Variants in DMXL2 observed in about 807,000 individuals in gnomAD.
DMXL2 encodes dmX-like protein 2.
Under a neutral mutation model 331.1 loss-of-function variants are expected in DMXL2, and 103 were observed. The ratio of observed to expected loss-of-function variants is 0.31; its 90% confidence interval spans 0.27 to 0.37. The LOEUF (loss-of-function observed/expected upper bound fraction) is 0.37, where lower values mean the gene tolerates loss of function less well. DMXL2 is among the 10% of genes least tolerant of loss of function. DMXL2 has a pLI of 1.00. For missense variants in DMXL2, 3,171 were observed against 3,642.9 expected (o/e 0.87, Z 3.33); for synonymous variants, 1,281 against 1,252.1 (o/e 1.02, Z -0.49).
chr15:51,554,791 T>C (rs975691901), intron 6 of DMXL2, among the ~76,000 whole-genome samples: 3 of 152,140 alleles, frequency 2.0e-5, no homozygotes, highest in South Asian at 2.1e-4. Flanking sequence ...CTTGGTCTTT[T>C]GGTAAATGAA....
intron 2 of DMXL2, among the ~76,000 whole-genome samples, chr15:51,574,534 C>T (rs904245563): frequency 1.3e-5 from 2 of 152,062 alleles, no homozygotes. Context: ...AATCATAATC[C>T]ACAACAGAAA....
chr15:51,523,287 G>A (rs2047479464), intron 13 of DMXL2, among the ~76,000 whole-genome samples: 1 of 152,192 alleles, frequency 6.6e-6, no homozygotes, highest in South Asian at 2.1e-4. Context: ...CTGAAAATAA[G>A]AGCAAGACTC....
intron 18 of DMXL2, among the ~76,000 whole-genome samples, chr15:51,496,920 A>G (rs983342941): frequency 4.6e-5 from 7 of 152,232 alleles, no homozygotes; most frequent in Admixed American, 4.6e-4. Context: ...AAATGGAGAC[A>G]TTCATTCCTG....
intron 9 of DMXL2, among the ~76,000 whole-genome samples, chr15:51,540,637 T>G (rs942567385): frequency 2.0e-5 from 3 of 151,774 alleles, no homozygotes; most frequent in Non-Finnish European, 2.9e-5. Flanking sequence ...TTTCAAAAAA[T>G]TTTTTGAAAA....
chr15:51,529,434 G>T (rs1406549549), intron 13 of DMXL2, among the ~76,000 whole-genome samples: 1 of 152,032 alleles, frequency 6.6e-6, no homozygotes, highest in Non-Finnish European at 1.5e-5. Context: ...TACAACTGAT[G>T]CCAAAGAAAT....
At position 51,486,076 on chromosome 15, in the gene DMXL2, G is replaced by T; in HGVS notation, c.5479C>A (p.Gln1827Lys). The T allele has an allele frequency of 6.3e-7, 1 of 1,590,292 alleles. No homozygotes were observed. The highest frequency in any genetic ancestry group is 8.6e-7 in the Non-Finnish European group (1 of 1,164,252). Residue 1827 changes from glutamine (Q) to lysine (K), a missense_variant, in exon 23 of 44, where the codon CAA (glutamine) becomes AAA (lysine). This residue lies in a region of DMXL2 where 244 missense variants were observed against 251.4 expected (regional missense o/e 0.97). Coordinates refer to ENST00000560891, the MANE Select transcript of DMXL2 (RefSeq NM_001378457.1). ...EQTPKEDDEH[Q>K]VIIKSCNPVA... ...AGAAATCCACAAAACGTCCTACCTT[G>T]ATGTTCATCATCCTCCTTTGGTGTT...
chr15:51,483,945 T>A (rs1170117086), intron 23 of DMXL2, among the ~76,000 whole-genome samples: 1 of 151,662 alleles, frequency 6.6e-6, no homozygotes, highest in Non-Finnish European at 1.5e-5. Context: ...AACGCCCCCA[T>A]GCCAGCTGAG....
chr15:51,488,756 A>C (rs766026183), intron 20 of DMXL2, 111 bp from the exon 21 acceptor site: 2 of 938,272 alleles, frequency 2.1e-6, no homozygotes, highest in Non-Finnish European at 1.6e-6. Flanking sequence ...CTGTGGAGAC[A>C]GAAAAAGTTG....
intron 18 of DMXL2, among the ~76,000 whole-genome samples, chr15:51,496,087 C>T (rs2043155540): frequency 6.6e-6 from 1 of 152,074 alleles, no homozygotes; most frequent in South Asian, 2.1e-4. Flanking sequence ...TCAAGCAATC[C>T]TCCTACCTTA....
chr15:51,533,386 A>C (rs903302153), intron 13 of DMXL2, among the ~76,000 whole-genome samples: 4 of 152,214 alleles, frequency 2.6e-5, no homozygotes, highest in African/African-American at 9.6e-5. Context: ...GATGCATATT[A>C]TAAAACCTTG....
At position 51,538,356 on chromosome 15, in the gene DMXL2, G is replaced by A. The variant is rs781591211; in HGVS notation, c.1202C>T (p.Thr401Ile). ...ATGCATAAATACTTCTGTAGATGAT[G>A]TAAAATGAAATTCCTTGTTGTTTAA... ...HWLNNKEFHF[T>I]SSTEVFMHQL... is the part of the protein sequence containing the mutation. Residue 401 changes from threonine (T) to isoleucine (I), a missense_variant, in exon 10 of 44, where the codon ACA becomes ATA. Physicochemically the swap from Thr to Ile is moderately conservative, Grantham distance 89 (BLOSUM62 -1). Transcript: ENST00000560891. The A allele has an allele frequency of 2.5e-6, 4 of 1,613,680 alleles. No homozygotes were observed. Among genetic ancestry groups the A allele is most frequent in the Non-Finnish European group, 8.5e-7 (1 of 1,179,724 alleles).
chr15:51,537,737 A>G lies in DMXL2; in HGVS notation c.1368T>C (p.Ser456=). The change falls in exon 11 of 44, where the codon TCT becomes TCC. Residue 456 remains serine, a synonymous_variant. Transcript: ENST00000560891. ...LDHDLSLDRE[S]EAGTGSSEHE... ...GTTCTGATGATCCTGTACCTGCCTC[A>G]GATTCTCTATCCAGGGATAAATCTG... 1 of 1,613,430 alleles carries G rather than the reference A, an allele frequency of 6.2e-7. No individual in the cohort carries two copies. Among genetic ancestry groups the G allele is most frequent in the African/African-American group, 1.3e-5 (1 of 75,036 alleles).
Position 51,576,195 on chromosome 15 carries a change from A to AAAAAAAAAAAAAAAAT in DMXL2, c.88-15_88-14insATTTTTTTTTTTTTTT. 6.8e-7 allele frequency: 1 copy of AAAAAAAAAAAAAAAAT among 1,462,458 alleles called. No individual in the cohort carries two copies. 90.6% of individuals were successfully genotyped at this position (1,462,458 alleles called of 1,614,324 possible). ...TGATCCATATGCCTAAAAAAAAAAA[A>AAAAAAAAAAAAAAAAT]AAAAAAAAGTTTTACAATACATAAG... On this transcript the variant is annotated splice_polypyrimidine_tract_variant and intron_variant, in intron 1 of 43. Coordinates refer to ENST00000560891, the MANE Select transcript of DMXL2 (RefSeq NM_001378457.1).
At chr15:51,619,393 A>G (rs2054488511) in intron 1 of DMXL2, among the ~76,000 whole-genome samples, 1 of 152,228 alleles carries the variant, frequency 6.6e-6, no homozygotes, top group African/African-American at 2.4e-5. Flanking sequence ...CGAATGTTTA[A>G]GGAAACAGCT....
intron 1 of DMXL2, among the ~76,000 whole-genome samples, chr15:51,607,051 G>C (rs141094457): frequency 6.6e-6 from 1 of 152,076 alleles, no homozygotes; most frequent in Non-Finnish European, 1.5e-5. Context: ...CCAGCTACTC[G>C]GGAGGCTGAG....
At chr15:51,449,624 G>A (rs1243547461) in intron 43 of DMXL2, among the ~76,000 whole-genome samples, 1 of 152,144 alleles carries the variant, frequency 6.6e-6, no homozygotes, top group East Asian at 1.9e-4. Context: ...TTATCCTGAG[G>A]TTAGTCTCAA....
chr15:51,612,800 T>A (rs1041830156), intron 1 of DMXL2, among the ~76,000 whole-genome samples: 7 of 152,110 alleles, frequency 4.6e-5, no homozygotes, highest in African/African-American at 1.7e-4. Context: ...ATTTATTAGG[T>A]GGGAATTTCC....
intron 16 of DMXL2, 151 bp downstream of exon 16, chr15:51,506,983 A>T: frequency 1.7e-6 from 1 of 575,908 alleles, no homozygotes; most frequent in Non-Finnish European, 2.7e-6. Context: ...ATGATTTATG[A>T]CCTTGTAATT....
At chr15:51,583,121 CTTTTTTTTTTT>C (rs1171970352) in intron 1 of DMXL2, among the ~76,000 whole-genome samples, 242 of 34,892 alleles carry the variant, frequency 6.9e-3, no homozygotes, top group African/African-American at 0.021. Flanking sequence ...TTTTTTTTTT[CTTTTTTTTTTT>C]TTTTTTATTA....
Sources: allele counts gnomAD v4.1 joint callset (sites outside exome capture counted in the v4.1 genomes callset), GRCh38; gene constraint gnomAD v4.1.1; regional missense constraint gnomAD v4.1.1; transcripts MANE v1.5; gene names NCBI Gene and HGNC (gene_info 2026-07-23, HGNC 2026-07-21).